The following FBXL5 variants were observed in gnomAD, a reference collection of about 807,000 sequenced individuals.
FBXL5 encodes the protein F-box/LRR-repeat protein 5.
Under a neutral mutation model 78.3 loss-of-function variants are expected in FBXL5, and 26 were observed. That is an observed-to-expected ratio of 0.33 (90% CI 0.24 to 0.46). FBXL5 has a LOEUF of 0.46. Among genes scored for constraint, FBXL5 ranks in the 20% least tolerant of loss-of-function variants. The pLI is 1.00. For synonymous variants in FBXL5, 295 were observed against 282.5 expected (o/e 1.04, Z -0.45); for missense variants, 710 against 829.2 (o/e 0.86, Z 1.77).
At chr4:15,658,733 A>G (rs1306616137), upstream of FBXL5, among the ~76,000 whole-genome samples, 2 of 152,212 alleles carry the variant, frequency 1.3e-5, no homozygotes, top group Non-Finnish European at 2.9e-5. Flanking sequence ...GTATTCTGTT[A>G]TAAGCAATAG....
intron 4 of FBXL5, among the ~76,000 whole-genome samples, 153 bp downstream of exon 4, chr4:15,638,355 T>C (rs961593254): frequency 9.2e-5 from 14 of 152,354 alleles, no homozygotes; most frequent in Non-Finnish European, 1.6e-4. Context: ...AACCATCGTC[T>C]TCAATTAAAT....
At chr4:15,627,131 C>CTTTT (rs33920814) in intron 7 of FBXL5, among the ~76,000 whole-genome samples, 176 bp from the exon 8 acceptor site, 11 of 87,826 alleles carry the variant, frequency 1.3e-4, no homozygotes, top group South Asian at 4.3e-4. Flanking sequence ...CTGAGAATCT[C>CTTTT]TTTTTTTTTT....
Position 15,636,626 on chromosome 4 carries a change from C to T in FBXL5, c.634G>A (p.Val212Ile), listed in dbSNP as rs374329849. ...AGATAGCTGAAAATTGACAGCATTA[C>T]CTCAGGAGGAAGATGGGTTATACCT... Reference protein sequence around the residue: ...STGITHLPPEVMLSIFSYLNP... With the variant: ...STGITHLPPEIMLSIFSYLNP... The change falls in exon 5 of 11, where the codon GTA becomes ATA. Residue 212 changes from valine to isoleucine, a missense_variant. Around this residue, in one of 4 missense-constraint regions of FBXL5, gnomAD observed 517 missense variants for 542.9 expected, o/e 0.95. Coordinates refer to ENST00000341285, the MANE Select transcript of FBXL5 (RefSeq NM_012161.4). The T allele has an allele frequency of 1.4e-4, 228 of 1,613,798 alleles. No individual in the cohort carries two copies. The highest frequency in any genetic ancestry group is 1.9e-4 in the Non-Finnish European group (220 of 1,179,916).
rs536319399 is a variant in FBXL5, at chr4:15,625,811, A to T, written c.1291T>A (p.Trp431Arg). 5.0e-5 allele frequency: 80 copies of T among 1,614,096 alleles called. 1 individual carries two copies. In the South Asian group the frequency reaches 8.6e-4, roughly 17 times the overall value. Residue 431 changes from tryptophan to arginine, a missense_variant, in exon 9 of 11, where the codon TGG becomes AGG. This residue lies in a region of FBXL5 where 517 missense variants were observed against 542.9 expected (regional missense o/e 0.95). Coordinates refer to ENST00000341285, the MANE Select transcript of FBXL5 (RefSeq NM_012161.4). ...TSTSKITSTA[W>R]KNKDITMQST... ...TGCATGGTAATGTCTTTATTTTTCCACGCAGTTGAAGTAATTTTGCTTGTA... is the reference window on the plus strand; with the variant it reads ...TGCATGGTAATGTCTTTATTTTTCCTCGCAGTTGAAGTAATTTTGCTTGTA...
chr4:15,623,152 C>T (rs1311760481), intron 9 of FBXL5, among the ~76,000 whole-genome samples: 1 of 152,146 alleles, frequency 6.6e-6, no homozygotes, highest in South Asian at 2.1e-4. Context: ...TCAAACAAAA[C>T]GTTACAATTC....
upstream of FBXL5, among the ~76,000 whole-genome samples, chr4:15,661,382 GT>G (rs1012957143): frequency 5.3e-5 from 8 of 152,176 alleles, no homozygotes; most frequent in African/African-American, 1.9e-4. Flanking sequence ...AGAACTAAGT[GT>G]TTTATGGAAT....
At chr4:15,623,977 C>G (rs186172945) in intron 9 of FBXL5, among the ~76,000 whole-genome samples, 2 of 151,986 alleles carry the variant, frequency 1.3e-5, no homozygotes, top group African/African-American at 2.4e-5. Flanking sequence ...TGCCCGCCAC[C>G]GTGCCCGGCT....
intron 1 of FBXL5, among the ~76,000 whole-genome samples, chr4:15,670,559 T>G (rs1468632887): frequency 6.6e-6 from 1 of 152,182 alleles, no homozygotes; most frequent in Non-Finnish European, 1.5e-5. Flanking sequence ...TTCAACAACC[T>G]TTAGCTTTTA....
upstream of FBXL5, chr4:15,655,524 CTT>C (rs1022527544): frequency 3.4e-5 from 11 of 325,882 alleles, no homozygotes; most frequent in African/African-American, 2.0e-4. Context: ...CGCCCCCACT[CTT>C]TTCGTTTTTT....
intron 6 of FBXL5, 141 bp from the exon 7 acceptor site, chr4:15,628,174 T>C: frequency 2.4e-6 from 2 of 840,752 alleles, no homozygotes; most frequent in South Asian, 1.9e-5. Flanking sequence ...TTTTAGGCAA[T>C]GAAAAGGTTT....
chr4:15,608,851 A>G (rs962253503), intron 10 of FBXL5, among the ~76,000 whole-genome samples: 2 of 152,176 alleles, frequency 1.3e-5, no homozygotes, highest in Non-Finnish European at 2.9e-5. Context: ...CACCCATTAA[A>G]GGATCTGCTG....
intron 9 of FBXL5, among the ~76,000 whole-genome samples, chr4:15,622,288 G>C (rs943223406): frequency 3.3e-5 from 5 of 152,170 alleles, no homozygotes; most frequent in Admixed American, 1.3e-4. Flanking sequence ...ATGTTTACAT[G>C]AGTTGTATTT....
At chr4:15,631,981 G>A (rs542771564) in intron 5 of FBXL5, among the ~76,000 whole-genome samples, 1 of 152,326 alleles carries the variant, frequency 6.6e-6, no homozygotes, top group South Asian at 2.1e-4. Context: ...TAGTCACAAA[G>A]TCCTTGCCCA....
intron 9 of FBXL5, among the ~76,000 whole-genome samples, chr4:15,624,736 G>C (rs1024678274): frequency 3.3e-5 from 5 of 151,250 alleles, no homozygotes; most frequent in African/African-American, 1.2e-4. Context: ...AGCTGATCAT[G>C]ATCAAAGACC....
upstream of FBXL5, among the ~76,000 whole-genome samples, chr4:15,663,473 A>G (rs1717404864): frequency 6.6e-6 from 1 of 152,142 alleles, no homozygotes. Context: ...TCTGGGTTCA[A>G]ATCTCAGCTG....
intron 9 of FBXL5, among the ~76,000 whole-genome samples, chr4:15,613,155 A>G (rs1260221917): frequency 6.6e-6 from 1 of 152,174 alleles, no homozygotes; most frequent in Admixed American, 6.6e-5. Context: ...ATCCACAGAG[A>G]CACCAAGTCG....
intron 6 of FBXL5, among the ~76,000 whole-genome samples, chr4:15,629,675 A>C (rs1457526663): frequency 6.6e-6 from 1 of 152,080 alleles, no homozygotes; most frequent in Non-Finnish European, 1.5e-5. Context: ...AAATCTATCA[A>C]ACTAGAATAG....
rs897059107 is a variant in FBXL5 at position 15,653,837 on chromosome 4, G to A, written c.84+1367C>T. 8.5e-4 allele frequency among the ~76,000 whole-genome samples: 129 copies of A among 152,154 alleles called. 1 individual carries two copies. The highest frequency in any genetic ancestry group is 8.3e-3 in the Admixed American group (127 of 15,268). ...CCTCAGCTGCATACTGCACTCAAAT[G>A]GAGAGCTTTAATCATTTATACCTGA... On this transcript the variant is annotated intron_variant, in intron 1 of 10. Coordinates refer to ENST00000341285, the MANE Select transcript of FBXL5 (RefSeq NM_012161.4).
At position 15,631,576 on chromosome 4, in the gene FBXL5, T is replaced by C. The variant is rs376734173; in HGVS notation, c.767-785A>G. On this transcript the variant is annotated intron_variant, in intron 5 of 10. Coordinates refer to ENST00000341285, the MANE Select transcript of FBXL5 (RefSeq NM_012161.4). ...CTATTTCTCCACATCCTCTCCAGCA[T>C]CTGTTGTTTCCTGACTTTTTAATGA... is the stretch of plus-strand genomic sequence containing the variant. Among the ~76,000 whole-genome samples the C allele has an allele frequency of 9.2e-5, 14 of 152,010 alleles. 1 individual carries two copies. The highest frequency in any genetic ancestry group is 8.5e-4 in the Admixed American group (13 of 15,292).
Sources: allele counts gnomAD v4.1 joint callset (sites outside exome capture counted in the v4.1 genomes callset), GRCh38; gene constraint gnomAD v4.1.1; regional missense constraint gnomAD v4.1.1; transcripts MANE v1.5; gene names NCBI Gene and HGNC (gene_info 2026-07-23, HGNC 2026-07-21).